The following B4GALNT3 variants were observed in gnomAD, a reference collection of about 807,000 sequenced individuals.
B4GALNT3 encodes beta-1,4-N-acetylgalactosaminyltransferase 3.
Under a neutral mutation model 120.2 loss-of-function variants are expected in B4GALNT3, and 86 were observed. The observed-to-expected ratio is 0.72, with a 90% CI of 0.60 to 0.86. The LOEUF is 0.86. Ranked by LOEUF, B4GALNT3 falls within the 40% of genes least tolerant of loss-of-function variation. The probability of loss-of-function intolerance (pLI) is 0.00; values close to 1 mark genes in which losing one functional copy is unlikely to be tolerated. For missense variants in B4GALNT3, 1,167 were observed against 1,298.9 expected (o/e 0.90, Z 1.56); for synonymous variants, 518 against 510.4 (o/e 1.01, Z -0.20).
chr12:513,147 GACCTTCCACCTTCCACCTTCC>G (rs879301868), intron 1 of B4GALNT3, among the ~76,000 whole-genome samples: 1 of 75,054 alleles, frequency 1.3e-5, no homozygotes, highest in African/African-American at 5.8e-5. Flanking sequence ...TTCCACCTTC[GACCTTCCACCTTCCACCTTCC>G]ACCTTCCACC....
chr12:554,344 T>C (rs1947119624), intron 14 of B4GALNT3, among the ~76,000 whole-genome samples: 1 of 152,246 alleles, frequency 6.6e-6, no homozygotes, highest in South Asian at 2.1e-4. Flanking sequence ...ATTAAGACCC[T>C]GCATGTGGGC....
chr12:461,518 C>G (rs1320088778), intron 1 of B4GALNT3, among the ~76,000 whole-genome samples: 1 of 152,198 alleles, frequency 6.6e-6, no homozygotes, highest in Non-Finnish European at 1.5e-5. Flanking sequence ...GAGAAACTCC[C>G]GTTACTACCA....
intron 1 of B4GALNT3, among the ~76,000 whole-genome samples, chr12:522,559 G>A (rs939847328): frequency 5.3e-5 from 8 of 152,124 alleles, no homozygotes; most frequent in South Asian, 2.1e-4. Context: ...GTTTCAGTTC[G>A]GCATGATGGG....
At chr12:557,527 T>C in intron 15 of B4GALNT3, 81 bp from the exon 16 acceptor site, 1 of 1,472,552 alleles carries the variant, frequency 6.8e-7, no homozygotes, top group Non-Finnish European at 9.2e-7. Context: ...CTGACTCACC[T>C]GGGAGCTGGG....
chr12:540,548 G>A (rs1045154571), intron 3 of B4GALNT3: 7 of 152,184 alleles, frequency 4.6e-5, no homozygotes, highest in Non-Finnish European at 8.8e-5. Context: ...TCAGGAAATT[G>A]CATTTGTAAA....
In B4GALNT3 at chr12:553,813, G is replaced by T; in HGVS notation, c.1890G>T (p.Pro630=). Residue 630 remains proline (P), a synonymous_variant, in exon 14 of 20, where the codon CCG becomes CCT. Transcript: ENST00000266383. ...TCGAGTACGTACCTGTGTTTGACCC[G>T]GTAGTAAACTGGGACCAGACCTTCA... ...EVFEYVPVFD[P]VVNWDQTFSA... is the part of the protein sequence containing the mutation. The T allele has an allele frequency of 6.2e-7, 1 of 1,614,244 alleles. No individual in the cohort carries two copies. The highest frequency in any genetic ancestry group is 8.5e-7 in the Non-Finnish European group (1 of 1,180,032).
intron 1 of B4GALNT3, among the ~76,000 whole-genome samples, chr12:515,878 C>G (rs905999525): frequency 6.6e-6 from 1 of 152,090 alleles, no homozygotes; most frequent in Non-Finnish European, 1.5e-5. Flanking sequence ...TGGCTCATGC[C>G]TGTAATCCCA....
chr12:545,112 A>G, intron 5 of B4GALNT3, 140 bp downstream of exon 5: 1 of 1,455,650 alleles, frequency 6.9e-7, no homozygotes, highest in Non-Finnish European at 9.0e-7. Context: ...AAATTGAGTC[A>G]TATTGCGGTC....
rs1946965718 is a variant in B4GALNT3 at position 544,446 on chromosome 12, A to G, written c.447+12A>G. On this transcript the variant is annotated intron_variant, in intron 4 of 19. Coordinates refer to ENST00000266383, the MANE Select transcript of B4GALNT3 (RefSeq NM_173593.4). ...CACTGTACCCCCATGTGAGTGCCTG[A>G]GGGCTGCCTTGCCCACCTCCCTCCA... 1.2e-6 allele frequency: 2 copies of G among 1,612,368 alleles called. No individual in the cohort carries two copies. The highest frequency in any genetic ancestry group is 2.2e-5 in the East Asian group (1 of 44,868).
intron 1 of B4GALNT3, among the ~76,000 whole-genome samples, chr12:517,442 G>A: frequency 6.6e-6 from 1 of 152,172 alleles, no homozygotes. Flanking sequence ...TAGAAACAAA[G>A]CTTCTGGGTT....
chr12:500,597 C>T (rs1219794727), intron 1 of B4GALNT3, among the ~76,000 whole-genome samples: 1 of 152,116 alleles, frequency 6.6e-6, no homozygotes, highest in Non-Finnish European at 1.5e-5. Context: ...TCCGGTCATT[C>T]CACTTATGCT....
In B4GALNT3 at chr12:515,885, C is replaced by A. The variant is rs531412449; in HGVS notation, c.170-19281C>A. Among the ~76,000 whole-genome samples the A allele has an allele frequency of 1.9e-4, 29 of 152,178 alleles. 1 individual carries two copies. The East Asian group carries it at 5.2e-3, about 27-fold the overall frequency. ...GGGCACAGTGGCTCATGCCTGTAAT[C>A]CCAGCACTTTGGGAGGCTGAGACTG... On this transcript the variant is annotated intron_variant, in intron 1 of 19. Coordinates refer to ENST00000266383, the MANE Select transcript of B4GALNT3 (RefSeq NM_173593.4).
At chr12:516,506 T>C (rs1049702697) in intron 1 of B4GALNT3, among the ~76,000 whole-genome samples, 1 of 152,140 alleles carries the variant, frequency 6.6e-6, no homozygotes, top group Admixed American at 6.5e-5. Flanking sequence ...GGTAAAGAGA[T>C]AGGAGACAAG....
Position 556,367 on chromosome 12 carries a change from G to C in B4GALNT3, c.2061-180G>C, listed in dbSNP as rs573151684. Among the ~76,000 whole-genome samples the C allele has an allele frequency of 8.4e-4, 128 of 151,808 alleles. 1 individual carries two copies. In the South Asian group the frequency reaches 0.011, roughly 13 times the overall value. ...AGCTCAACAGGTACATTTTCAAAGAGGGAGGCAGCGAACCCTAGAGAGATT... is the reference window on the plus strand; with the variant it reads ...AGCTCAACAGGTACATTTTCAAAGACGGAGGCAGCGAACCCTAGAGAGATT... On this transcript the variant is annotated intron_variant, in intron 14 of 19. Transcript: ENST00000266383.
Position 511,381 on chromosome 12 carries a change from G to GCCTTCCA in B4GALNT3, c.170-23779_170-23773dup, listed in dbSNP as rs1369417544. Among the ~76,000 whole-genome samples, 64 of 77,424 alleles carry GCCTTCCA rather than the reference G, an allele frequency of 8.3e-4. 1 individual carries two copies. The highest frequency in any genetic ancestry group is 3.1e-3 in the African/African-American group (60 of 19,508). 50.8% of individuals were successfully genotyped at this position (77,424 alleles called of 152,430 possible). A position where few individuals can be genotyped will look rare whatever the true frequency, so the allele number is the denominator to read the frequency against. ...TTCCACCTTCAACCTTCCGCCTTCCGCCTTCCACCTTCTGTCTTCCACCTT... is the reference window on the plus strand; with the variant it reads ...TTCCACCTTCAACCTTCCGCCTTCCGCCTTCCACCTTCCACCTTCTGTCTTCCACCTT... On this transcript the variant is annotated intron_variant, in intron 1 of 19. Coordinates refer to ENST00000266383, the MANE Select transcript of B4GALNT3 (RefSeq NM_173593.4).
chr12:552,338 C>T (rs988092108), intron 12 of B4GALNT3, 129 bp from the exon 13 acceptor site: 26 of 956,118 alleles, frequency 2.7e-5, no homozygotes, highest in East Asian at 1.7e-4. Context: ...CACACACACC[C>T]GCTCACCAGC....
At chr12:522,619 G>A (rs903391505) in intron 1 of B4GALNT3, among the ~76,000 whole-genome samples, 2 of 152,072 alleles carry the variant, frequency 1.3e-5, no homozygotes, top group Non-Finnish European at 2.9e-5. Context: ...TGTTCTTAAT[G>A]CCATTAAGTG....
rs760071815 is a variant in B4GALNT3, at chr12:553,320, A to T, written c.1397A>T (p.Asp466Val). The change falls in exon 14 of 20, where the codon GAT becomes GTT. Residue 466 changes from aspartate to valine, a missense_variant. Transcript: ENST00000266383. ...ACACCTGCCTCCACCCTGGAGCAAGATGCCACTGACTACCGCCTCCGAAGC... is the reference window on the plus strand; with the variant it reads ...ACACCTGCCTCCACCCTGGAGCAAGTTGCCACTGACTACCGCCTCCGAAGC... The part of the protein sequence containing the change: ...RQTPASTLEQ[D>V]ATDYRLRSLR... The T allele has an allele frequency of 1.9e-6, 3 of 1,613,564 alleles. No homozygotes were observed. The African/African-American group carries it at 4.0e-5, about 22-fold the overall frequency.
In B4GALNT3 at chr12:553,764, A is replaced by G; in HGVS notation, c.1841A>G (p.Glu614Gly). 6.2e-7 allele frequency: 1 copy of G among 1,614,138 alleles called. No individual in the cohort carries two copies. The highest frequency in any genetic ancestry group is 8.5e-7 in the Non-Finnish European group (1 of 1,180,008). The change falls in exon 14 of 20, where the codon GAG becomes GGG. Residue 614 changes from glutamate (E) to glycine (G), a missense_variant. By Grantham distance (98) the Glu-to-Gly change is moderately conservative. This residue lies in a region of B4GALNT3 where 983 missense variants were observed against 1,102.5 expected (regional missense o/e 0.89). Coordinates refer to ENST00000266383, the MANE Select transcript of B4GALNT3 (RefSeq NM_173593.4). Reference sequence around the variant, plus strand: ...GAGGAAGAGGGGGAAGAAGAGGAGGAGGAAGAGGATATGAGTGAGGTGTTC... The same window carrying G: ...GAGGAAGAGGGGGAAGAAGAGGAGGGGGAAGAGGATATGAGTGAGGTGTTC... ...EGEEEGEEEE[E>G]EEDMSEVFEY...
Sources: gnomAD v4.1 joint callset for allele counts (sites outside exome capture counted in the v4.1 genomes callset) on GRCh38, gnomAD v4.1.1 for gene constraint, gnomAD v4.1.1 regional missense constraint, MANE v1.5 for transcripts, NCBI Gene and HGNC (gene_info 2026-07-23, HGNC 2026-07-21) for gene names.